COTL1: variants seen among roughly 807,000 people sequenced by gnomAD.
COTL1 encodes the protein coactosin like F-actin binding protein 1.
Under a neutral mutation model 16.5 loss-of-function variants are expected in COTL1, and 15 were observed. The observed-to-expected ratio is 0.91, with a 90% CI of 0.61 to 1.40. The LOEUF is 1.40. COTL1 is among the 40% of genes most tolerant of loss of function. The pLI is 0.00. For synonymous variants in COTL1, 112 were observed against 85.3 expected (o/e 1.31, Z -1.73); for missense variants, 220 against 201.5 (o/e 1.09, Z -0.56).
intron 3 of COTL1, among the ~76,000 whole-genome samples, chr16:84,571,519 TGCCCATCA>T (rs1049623418): frequency 1.3e-5 from 2 of 152,168 alleles, no homozygotes; most frequent in African/African-American, 2.4e-5. Flanking sequence ...CTCTCCCCCC[TGCCCATCA>T]GCTTCCCTCC....
chr16:84,609,125 G>C (rs113962364), intron 2 of COTL1, among the ~76,000 whole-genome samples: 1 of 152,086 alleles, frequency 6.6e-6, no homozygotes, highest in African/African-American at 2.4e-5. Context: ...TCTGAAACCC[G>C]GGTGTGTATG....
intron 2 of COTL1, among the ~76,000 whole-genome samples, chr16:84,616,787 T>C (rs1396354261): frequency 6.6e-6 from 1 of 152,146 alleles, no homozygotes; most frequent in African/African-American, 2.4e-5. Flanking sequence ...AAATCTTAAG[T>C]ATACAGTCTG....
intron 3 of COTL1, among the ~76,000 whole-genome samples, chr16:84,570,803 A>T (rs1274156099): frequency 6.6e-6 from 1 of 152,198 alleles, no homozygotes; most frequent in Non-Finnish European, 1.5e-5. Context: ...CAGCAATCCG[A>T]TTACTGCCAA....
In COTL1 at chr16:84,617,504, T is replaced by C. The variant is rs759954602; in HGVS notation, c.157A>G (p.Thr53Ala). 179 of 1,551,944 alleles carry C rather than the reference T, an allele frequency of 1.2e-4. No homozygotes were observed. Among genetic ancestry groups the C allele is most frequent in the Non-Finnish European group, 1.4e-4 (156 of 1,147,454 alleles). The change falls in exon 2 of 4, where the codon ACA becomes GCA. Residue 53 changes from threonine to alanine, a missense_variant. Physicochemically the swap from Thr to Ala is moderately conservative, Grantham distance 58. Coordinates refer to ENST00000262428, the MANE Select transcript of COTL1 (RefSeq NM_021149.5). The part of the protein sequence containing the change: ...AEYQHFIQQC[T>A]DDVRLFAFVR... ...CCCGGCAGGCGCGCCTCCCTACCTG[T>C]GCACTGCTGGATGAAGTGCTGGTAC... is the stretch of plus-strand genomic sequence containing the variant.
In COTL1 at chr16:84,604,466, A is replaced by G. The variant is rs147873617; in HGVS notation, c.160+13035T>C. On this transcript the variant is annotated intron_variant, in intron 2 of 3. Transcript: ENST00000262428. ...TGCACCCTGTGAAAGTGGACATTTCAGTGGGTTTCGGTCCATTCACAAGGT... is the reference window on the plus strand; with the variant it reads ...TGCACCCTGTGAAAGTGGACATTTCGGTGGGTTTCGGTCCATTCACAAGGT... 2.2e-3 allele frequency among the ~76,000 whole-genome samples: 333 copies of G among 151,792 alleles called. 3 individuals carry two copies. In the East Asian group the frequency reaches 0.024, roughly 11 times the overall value.
intron 3 of COTL1, among the ~76,000 whole-genome samples, chr16:84,573,892 C>T (rs1007358130): frequency 1.3e-5 from 2 of 151,962 alleles, no homozygotes; most frequent in African/African-American, 4.8e-5. Flanking sequence ...CTGTGGCTCA[C>T]GCCGGTAATC....
intron 3 of COTL1, among the ~76,000 whole-genome samples, chr16:84,571,833 G>C (rs1904342086): frequency 6.6e-6 from 1 of 152,204 alleles, no homozygotes; most frequent in South Asian, 2.1e-4. Context: ...TGGACACCGA[G>C]CCGCTCCCAC....
chr16:84,579,007 A>T (rs1904517816), intron 3 of COTL1, among the ~76,000 whole-genome samples: 2 of 151,976 alleles, frequency 1.3e-5, no homozygotes, highest in Non-Finnish European at 2.9e-5. Flanking sequence ...ATACACATGC[A>T]TGCACACACA....
At chr16:84,612,194 C>T (rs1905344965) in intron 2 of COTL1, among the ~76,000 whole-genome samples, 1 of 152,178 alleles carries the variant, frequency 6.6e-6, no homozygotes, top group African/African-American at 2.4e-5. Flanking sequence ...CTCCTAATGA[C>T]CACACTGTAG....
chr16:84,590,048 T>C lies in COTL1; in HGVS notation c.318+57A>G, dbSNP rs535976599. The C allele has an allele frequency of 6.4e-6, 10 of 1,554,712 alleles. No individual in the cohort carries two copies. The Middle Eastern group carries it at 5.2e-4, about 80-fold the overall frequency. On this transcript the variant is annotated intron_variant, in intron 3 of 3. Coordinates refer to ENST00000262428, the MANE Select transcript of COTL1 (RefSeq NM_021149.5). This position sits in a 1 kb window ranked among gnomAD's most constrained non-coding sequence, Gnocchi z 5.5. The stretch of plus-strand genomic sequence containing the variant: ...AGTCGAACCCAGCCCTCTCCCTCCT[T>C]GCAGGATGGTGACCCTTGGCGAGCT...
intron 2 of COTL1, among the ~76,000 whole-genome samples, chr16:84,601,903 A>C (rs930148549): frequency 6.6e-6 from 1 of 152,194 alleles, no homozygotes; most frequent in African/African-American, 2.4e-5. Context: ...GCCTTCCTCC[A>C]CCAGCCCTTC....
At chr16:84,573,708 C>G (rs1904383898) in intron 3 of COTL1, among the ~76,000 whole-genome samples, 1 of 150,170 alleles carries the variant, frequency 6.7e-6, no homozygotes, top group Admixed American at 6.6e-5. Context: ...CCATTGCACT[C>G]CAGCCTGGGT....
rs1044479968 is a variant in COTL1 at position 84,605,139 on chromosome 16, TGGCCTG to T, written c.160+12356_160+12361del. On this transcript the variant is annotated intron_variant, in intron 2 of 3. Transcript: ENST00000262428. The stretch of plus-strand genomic sequence containing the variant: ...TCTAAACACTTCCCACGGCCCCCCA[TGGCCTG>T]GGCCTGGGCCTTAGGTCTGCCCCAC... Among the ~76,000 whole-genome samples, 12 of 152,286 alleles carry T rather than the reference TGGCCTG, an allele frequency of 7.9e-5. No individual in the cohort carries two copies. In the South Asian group the frequency reaches 1.4e-3, roughly 18 times the overall value.
At chr16:84,586,258 C>A (rs1438287373) in intron 3 of COTL1, among the ~76,000 whole-genome samples, 1 of 152,204 alleles carries the variant, frequency 6.6e-6, no homozygotes, top group Non-Finnish European at 1.5e-5. Flanking sequence ...CTGCACTTCC[C>A]ACTACCAAGA....
chr16:84,593,211 A>G (rs2326338), intron 2 of COTL1, among the ~76,000 whole-genome samples: 3,523 of 152,248 alleles, frequency 0.023, 137 homozygotes, highest in African/African-American at 0.08. Flanking sequence ...CTCCAGGGAA[A>G]TGCCCCACCA....
intron 3 of COTL1, among the ~76,000 whole-genome samples, chr16:84,580,670 C>T (rs891262): frequency 0.37 from 55,966 of 151,934 alleles, 11,560 homozygotes; most frequent in African/African-American, 0.56. Context: ...TGAACACTCA[C>T]CTTGGCTCAA....
intron 3 of COTL1, among the ~76,000 whole-genome samples, chr16:84,582,719 T>G (rs1302116206): frequency 6.6e-6 from 1 of 152,174 alleles, no homozygotes; most frequent in African/African-American, 2.4e-5. Context: ...GGAGAAGCCC[T>G]TTTCACACCT....
intron 2 of COTL1, among the ~76,000 whole-genome samples, chr16:84,592,081 A>T (rs1187065091): frequency 6.6e-6 from 1 of 152,216 alleles, no homozygotes; most frequent in East Asian, 1.9e-4. Flanking sequence ...ACCAGTTATG[A>T]CAAACAAAAA....
chr16:84,573,296 G>A (rs545411409), intron 3 of COTL1, among the ~76,000 whole-genome samples: 4 of 152,364 alleles, frequency 2.6e-5, no homozygotes, highest in South Asian at 4.1e-4. Flanking sequence ...GCTTTCAGGC[G>A]CTCAGTGGCC....
Sources: gnomAD v4.1 joint callset for allele counts (sites outside exome capture counted in the v4.1 genomes callset) on GRCh38, gnomAD v4.1.1 for gene constraint, Gnocchi (gnomAD v3.1) non-coding constraint, MANE v1.5 for transcripts, NCBI Gene and HGNC (gene_info 2026-07-23, HGNC 2026-07-21) for gene names.